The following KCNJ3 variants were observed in gnomAD, a reference collection of about 807,000 sequenced individuals.
KCNJ3 encodes G protein-activated inward rectifier potassium channel 1.
KCNJ3 carries 4 observed loss-of-function variants against 39.2 expected under a neutral mutation model. That is an observed-to-expected ratio of 0.10 (90% CI 0.05 to 0.23). The LOEUF is 0.23. Among genes scored for constraint, KCNJ3 ranks in the 10% least tolerant of loss-of-function variants. The pLI is 1.00. For missense variants in KCNJ3, 276 were observed against 634.9 expected (o/e 0.43, Z 6.08); for synonymous variants, 230 against 237.4 (o/e 0.97, Z 0.29).
At chr2:154,722,004 A>C (rs921215447) in intron 2 of KCNJ3, among the ~76,000 whole-genome samples, 2 of 152,210 alleles carry the variant, frequency 1.3e-5, no homozygotes, top group African/African-American at 4.8e-5. Context: ...ATTTGTCAAT[A>C]ATCTTTTCTA....
Position 154,858,234 on chromosome 2 carries a change from G to GTA in KCNJ3, c.*2922_*2923dup, listed in dbSNP as rs1687876808. The GTA allele has an allele frequency of 6.6e-6, 1 of 152,088 alleles. No homozygotes were observed. The highest frequency in any genetic ancestry group is 2.4e-5 in the African/African-American group (1 of 41,416). 9.4% of individuals were successfully genotyped at this position (152,088 alleles called of 1,614,324 possible). ...ACCTGTTGTACCTGTGTAATTATTG[G>GTA]TAGCACTCCCTTTCACTCTTACAAT... On this transcript the variant is annotated 3_prime_UTR_variant, in exon 3 of 3. Transcript: ENST00000295101.
intron 2 of KCNJ3, among the ~76,000 whole-genome samples, chr2:154,823,816 C>G (rs543071921): frequency 6.6e-6 from 1 of 152,120 alleles, no homozygotes; most frequent in East Asian, 1.9e-4. Context: ...CTATAGAAGA[C>G]TGTGATGTCC....
chr2:154,852,357 C>T (rs1008079889), intron 2 of KCNJ3, among the ~76,000 whole-genome samples: 1 of 152,122 alleles, frequency 6.6e-6, no homozygotes, highest in African/African-American at 2.4e-5. Context: ...GATGGTGCCA[C>T]TGCACCGCAG....
chr2:154,812,174 G>A (rs1687017705), intron 2 of KCNJ3, among the ~76,000 whole-genome samples: 1 of 152,140 alleles, frequency 6.6e-6, no homozygotes, highest in East Asian at 1.9e-4. Context: ...CTTACTGAGT[G>A]ATTATTGTAC....
Position 154,699,500 on chromosome 2 carries a change from C to G in KCNJ3, c.702+23C>G. The stretch of plus-strand genomic sequence containing the variant: ...AAAGTAAGTGCTCCCCGCCCCTTCC[C>G]CACCGGGAGACCTGCGTCCCCCAAA... On this transcript the variant is annotated intron_variant, in intron 1 of 2. Transcript: ENST00000295101. The surrounding 1 kb of genome is among the most constrained non-coding windows in gnomAD (Gnocchi z 6.4). 1 of 1,543,576 alleles carries G rather than the reference C, an allele frequency of 6.5e-7. No individual in the cohort carries two copies. The highest frequency in any genetic ancestry group is 1.9e-5 in the Admixed American group (1 of 53,580).
At chr2:154,768,577 T>A in intron 2 of KCNJ3, among the ~76,000 whole-genome samples, 1 of 152,194 alleles carries the variant, frequency 6.6e-6, no homozygotes, top group Admixed American at 6.5e-5. Flanking sequence ...CCATGCTGTT[T>A]TGGTTACTGT....
intron 2 of KCNJ3, among the ~76,000 whole-genome samples, chr2:154,753,016 G>A (rs1360767949): frequency 6.6e-6 from 1 of 151,986 alleles, no homozygotes; most frequent in African/African-American, 2.4e-5. Flanking sequence ...ATTGTTCTAA[G>A]ACAGCAATCC....
At chr2:154,837,855 T>G (rs1019752525) in intron 2 of KCNJ3, among the ~76,000 whole-genome samples, 1 of 152,206 alleles carries the variant, frequency 6.6e-6, no homozygotes, top group Non-Finnish European at 1.5e-5. Flanking sequence ...ATAGACTATA[T>G]GGGAAACTGC....
intron 2 of KCNJ3, among the ~76,000 whole-genome samples, chr2:154,809,053 A>T (rs1686964054): frequency 6.6e-6 from 1 of 152,190 alleles, no homozygotes; most frequent in African/African-American, 2.4e-5. Context: ...TTCATGGGCC[A>T]CAATGATGTA....
intron 2 of KCNJ3, among the ~76,000 whole-genome samples, chr2:154,794,466 C>A (rs1220151979): frequency 1.3e-5 from 2 of 151,968 alleles, no homozygotes; most frequent in Non-Finnish European, 2.9e-5. Flanking sequence ...TTAAGATTCT[C>A]CAAATTGAAT....
intron 2 of KCNJ3, among the ~76,000 whole-genome samples, chr2:154,802,193 T>G (rs1268359448): frequency 6.6e-6 from 1 of 152,070 alleles, no homozygotes; most frequent in East Asian, 1.9e-4. Context: ...GGGGAGTTTT[T>G]TTTTTTCTAA....
chr2:154,781,769 G>A (rs758248783), intron 2 of KCNJ3, among the ~76,000 whole-genome samples: 7 of 152,134 alleles, frequency 4.6e-5, no homozygotes, highest in South Asian at 2.1e-4. Context: ...CAATAGGTAC[G>A]TGTAATGAAT....
intron 2 of KCNJ3, among the ~76,000 whole-genome samples, chr2:154,802,272 A>G (rs1686833119): frequency 6.6e-6 from 1 of 152,008 alleles, no homozygotes; most frequent in Non-Finnish European, 1.5e-5. Flanking sequence ...GTGACATAAA[A>G]TGTGCTGTAA....
intron 2 of KCNJ3, among the ~76,000 whole-genome samples, chr2:154,733,342 ACT>A (rs1207562304): frequency 6.6e-6 from 1 of 152,086 alleles, no homozygotes; most frequent in Non-Finnish European, 1.5e-5. Context: ...TTTCCTTTTC[ACT>A]GAGTTACAAT....
chr2:154,837,270 A>ACAGT, intron 2 of KCNJ3, among the ~76,000 whole-genome samples: 1 of 151,566 alleles, frequency 6.6e-6, no homozygotes, highest in East Asian at 1.9e-4. Context: ...TTTTTGTGCA[A>ACAGT]AATTCATGAT....
chr2:154,784,299 G>C (rs1204744341), intron 2 of KCNJ3, among the ~76,000 whole-genome samples: 2 of 152,316 alleles, frequency 1.3e-5, no homozygotes, highest in Admixed American at 6.5e-5. Context: ...AGAGAAAAAT[G>C]CTTGAGTGAA....
chr2:154,810,068 T>A (rs1413642888), intron 2 of KCNJ3, among the ~76,000 whole-genome samples: 1 of 151,986 alleles, frequency 6.6e-6, no homozygotes, highest in African/African-American at 2.4e-5. Context: ...TGTTCCTCTC[T>A]CTCTTTCTCT....
intron 2 of KCNJ3, among the ~76,000 whole-genome samples, chr2:154,737,115 C>T (rs149060921): frequency 1.3e-5 from 2 of 152,286 alleles, no homozygotes; most frequent in African/African-American, 4.8e-5. Context: ...GGAGGAACCA[C>T]TCAAAGGGAG....
At chr2:154,853,021 C>T (rs1343175306) in intron 2 of KCNJ3, among the ~76,000 whole-genome samples, 2 of 151,310 alleles carry the variant, frequency 1.3e-5, no homozygotes, top group African/African-American at 4.9e-5. Flanking sequence ...TTTTTCTCTA[C>T]AGCTTATTAG....
Sources: gnomAD v4.1 joint callset for allele counts (sites outside exome capture counted in the v4.1 genomes callset) on GRCh38, gnomAD v4.1.1 for gene constraint, Gnocchi (gnomAD v3.1) non-coding constraint, MANE v1.5 for transcripts, NCBI Gene and HGNC (gene_info 2026-07-23, HGNC 2026-07-21) for gene names.